The following PPP2R2A variants were observed in gnomAD, a reference collection of about 807,000 sequenced individuals.
PPP2R2A encodes the protein protein phosphatase 2 regulatory subunit Balpha, also known as serine/threonine-protein phosphatase 2A 55 kDa regulatory subunit B alpha isoform.
Under a neutral mutation model 53.2 loss-of-function variants are expected in PPP2R2A, and 9 were observed. That is an observed-to-expected ratio of 0.17 (90% CI 0.10 to 0.30). The LOEUF (loss-of-function observed/expected upper bound fraction) is 0.30, where lower values mean the gene tolerates loss of function less well. Among genes scored for constraint, PPP2R2A ranks in the 10% least tolerant of loss-of-function variants. PPP2R2A has a pLI of 1.00. For missense variants in PPP2R2A, 235 were observed against 534.6 expected (o/e 0.44, Z 5.53); for synonymous variants, 169 against 174.2 (o/e 0.97, Z 0.23).
chr8:26,335,449 T>C (rs1436617297), intron 2 of PPP2R2A, among the ~76,000 whole-genome samples: 3 of 152,372 alleles, frequency 2.0e-5, no homozygotes, highest in African/African-American at 7.2e-5. Context: ...ATAGTTTTCC[T>C]ACCAGAAATA....
chr8:26,360,868 C>A lies in PPP2R2A; in HGVS notation c.460-106C>A. The stretch of plus-strand genomic sequence containing the variant: ...AAAACTAAATCTATGTAATATTGTT[C>A]TATTTTATGTTCTCAAAAACTGAAA... On this transcript the variant is annotated intron_variant, in intron 5 of 9. Coordinates refer to ENST00000380737, the MANE Select transcript of PPP2R2A (RefSeq NM_002717.4). The surrounding 1 kb of genome is among the most constrained non-coding windows in gnomAD (Gnocchi z 4.5). 1 of 1,083,702 alleles carries A rather than the reference C, an allele frequency of 9.2e-7. No homozygotes were observed. Among genetic ancestry groups the A allele is most frequent in the Non-Finnish European group, 1.3e-6 (1 of 766,062 alleles). 67.1% of individuals were successfully genotyped at this position (1,083,702 alleles called of 1,614,324 possible).
intron 2 of PPP2R2A, among the ~76,000 whole-genome samples, chr8:26,305,770 G>C (rs1436867793): frequency 6.6e-6 from 1 of 152,170 alleles, no homozygotes; most frequent in South Asian, 2.1e-4. Flanking sequence ...ACTAGAGTCT[G>C]AGTAGTAAAT....
chr8:26,357,175 A>G (rs1456596832), intron 4 of PPP2R2A, among the ~76,000 whole-genome samples: 7 of 152,230 alleles, frequency 4.6e-5, no homozygotes, highest in Admixed American at 1.3e-4. Context: ...AACTATTTGG[A>G]AAGAAGGAGA....
chr8:26,319,065 C>T (rs980437606), intron 2 of PPP2R2A, among the ~76,000 whole-genome samples: 2 of 152,136 alleles, frequency 1.3e-5, no homozygotes, highest in African/African-American at 4.8e-5. Flanking sequence ...CTTTGTGTCT[C>T]TATGAATTTG....
rs1055794032 is a variant in PPP2R2A, at chr8:26,335,060, T to C, written c.83-3830T>C. On this transcript the variant is annotated intron_variant, in intron 2 of 9. Coordinates refer to ENST00000380737, the MANE Select transcript of PPP2R2A (RefSeq NM_002717.4). Reference sequence around the variant, plus strand: ...GCCGAGGATGCTTACAACTAGGGCTTACCGATCTGAGTGCTCTGCAGCACC... The same window carrying C: ...GCCGAGGATGCTTACAACTAGGGCTCACCGATCTGAGTGCTCTGCAGCACC... 4.6e-5 allele frequency among the ~76,000 whole-genome samples: 7 copies of C among 152,280 alleles called. No individual in the cohort carries two copies. The South Asian group carries it at 8.3e-4, about 18-fold the overall frequency.
chr8:26,319,348 A>G (rs1006053527), intron 2 of PPP2R2A, among the ~76,000 whole-genome samples: 2 of 152,172 alleles, frequency 1.3e-5, no homozygotes, highest in Non-Finnish European at 2.9e-5. Flanking sequence ...AGTGTATCAT[A>G]TAGTAATTCT....
intron 2 of PPP2R2A, among the ~76,000 whole-genome samples, chr8:26,323,972 T>G (rs918206328): frequency 6.6e-6 from 1 of 152,224 alleles, no homozygotes; most frequent in African/African-American, 2.4e-5. Flanking sequence ...ATTTAGAACC[T>G]CTCCAGTGTC....
chr8:26,363,210 TAAAAAAAAA>T (rs57711660), intron 7 of PPP2R2A: 1 of 126,644 alleles, frequency 7.9e-6, no homozygotes, highest in African/African-American at 2.9e-5. Context: ...TTCCTTGGCT[TAAAAAAAAA>T]AAAAAAAAAA....
intron 2 of PPP2R2A, among the ~76,000 whole-genome samples, chr8:26,331,019 A>T (rs1410719738): frequency 6.6e-6 from 1 of 151,912 alleles, no homozygotes; most frequent in Non-Finnish European, 1.5e-5. Flanking sequence ...GCTGGTGGGG[A>T]CCCTAATTTT....
chr8:26,355,592 T>C (rs6981287), intron 4 of PPP2R2A, among the ~76,000 whole-genome samples: 146,475 of 152,132 alleles, frequency 0.96, 70,554 homozygotes, highest in East Asian at 1. Flanking sequence ...AGGCCGGGCG[T>C]GGTGGCTCAC....
At position 26,371,788 on chromosome 8, in the gene PPP2R2A, T is replaced by C. The variant is rs1021893183; in HGVS notation, c.*1375T>C. 3.3e-5 allele frequency: 5 copies of C among 152,220 alleles called. No homozygotes were observed. The highest frequency in any genetic ancestry group is 9.6e-5 in the African/African-American group (4 of 41,468). 9.4% of individuals were successfully genotyped at this position (152,220 alleles called of 1,614,324 possible). A position where few individuals can be genotyped will look rare whatever the true frequency, so the allele number is the denominator to read the frequency against. ...CCTCAAATAAAAATCTGTATATGAATACATTTTCCCTAAGCGGTGATACAT... is the reference window on the plus strand; with the variant it reads ...CCTCAAATAAAAATCTGTATATGAACACATTTTCCCTAAGCGGTGATACAT... On this transcript the variant is annotated 3_prime_UTR_variant, in exon 10 of 10. Coordinates refer to ENST00000380737, the MANE Select transcript of PPP2R2A (RefSeq NM_002717.4).
rs1803793921 is a variant in PPP2R2A, at chr8:26,338,763, G to C, written c.83-127G>C. The C allele has an allele frequency of 1.9e-6, 1 of 513,836 alleles. No homozygotes were observed. 31.8% of individuals were successfully genotyped at this position (513,836 alleles called of 1,614,324 possible). A position where few individuals can be genotyped will look rare whatever the true frequency, so the allele number is the denominator to read the frequency against. On this transcript the variant is annotated intron_variant, in intron 2 of 9. Transcript: ENST00000380737. The surrounding 1 kb of genome is among the most constrained non-coding windows in gnomAD (Gnocchi z 4.5). ...TTTAGATTCATGTTATTTCTGATGG[G>C]TGGTTGATGTACTTCAAAGATATAC...
intron 2 of PPP2R2A, among the ~76,000 whole-genome samples, chr8:26,312,297 T>A (rs990743949): frequency 3.3e-5 from 5 of 152,342 alleles, no homozygotes; most frequent in African/African-American, 9.6e-5. Context: ...TTTATGTGCA[T>A]GTGAATGTCC....
At position 26,354,673 on chromosome 8, in the gene PPP2R2A, T is replaced by TGC; in HGVS notation, c.346+40_346+41insGC. 6.8e-7 allele frequency: 1 copy of TGC among 1,476,434 alleles called. No homozygotes were observed. The allele number at this position is 1,476,434 out of a possible 1,614,324, so 91.5% of individuals were successfully genotyped here. ...TTTCTTTCCATGTGCCCACTGTGTG[T>TGC]ACCTGTTGCACATATCCTGTAGCCT... is the stretch of plus-strand genomic sequence containing the variant. On this transcript the variant is annotated intron_variant, in intron 4 of 9. Coordinates refer to ENST00000380737, the MANE Select transcript of PPP2R2A (RefSeq NM_002717.4). This position sits in a 1 kb window ranked among gnomAD's most constrained non-coding sequence, Gnocchi z 4.6.
chr8:26,326,804 A>G (rs1803109946), intron 2 of PPP2R2A, among the ~76,000 whole-genome samples: 2 of 152,226 alleles, frequency 1.3e-5, no homozygotes, highest in Admixed American at 1.3e-4. Flanking sequence ...AATGAAGATG[A>G]TAACTAACTT....
intron 2 of PPP2R2A, among the ~76,000 whole-genome samples, chr8:26,318,524 T>C (rs1029631447): frequency 6.6e-5 from 10 of 152,254 alleles, no homozygotes; most frequent in African/African-American, 2.4e-4. Flanking sequence ...GTGGAAGCTC[T>C]GTGATAGGTA....
At chr8:26,313,904 T>G (rs758086917) in intron 2 of PPP2R2A, among the ~76,000 whole-genome samples, 5 of 152,198 alleles carry the variant, frequency 3.3e-5, no homozygotes, top group Non-Finnish European at 5.9e-5. Context: ...TAATGGTGTT[T>G]TAAGCCACCG....
chr8:26,366,929 G>T (rs917797763), intron 9 of PPP2R2A, among the ~76,000 whole-genome samples: 8 of 151,716 alleles, frequency 5.3e-5, no homozygotes, highest in Non-Finnish European at 8.8e-5. Context: ...TTCCTTTTTC[G>T]TATTCATTTT....
At chr8:26,352,073 C>T (rs1037101462) in intron 3 of PPP2R2A, among the ~76,000 whole-genome samples, 19 of 152,244 alleles carry the variant, frequency 1.2e-4, no homozygotes, top group East Asian at 5.8e-4. Context: ...GAAGATGATT[C>T]TCATAGTGAT....
Sources: gnomAD v4.1 joint callset for allele counts (sites outside exome capture counted in the v4.1 genomes callset) on GRCh38, gnomAD v4.1.1 for gene constraint, Gnocchi (gnomAD v3.1) non-coding constraint, MANE v1.5 for transcripts, NCBI Gene and HGNC (gene_info 2026-07-23, HGNC 2026-07-21) for gene names.